TDO2: variants seen among roughly 807,000 people sequenced by gnomAD.
The protein encoded by TDO2 is tryptamin 2,3-dioxygenase.
A neutral mutation model predicts 61.2 loss-of-function variants in TDO2; 63 were observed. That is an observed-to-expected ratio of 1.03 (90% CI 0.84 to 1.27). The LOEUF (loss-of-function observed/expected upper bound fraction) is 1.27, where lower values mean the gene tolerates loss of function less well. Among genes scored for constraint, TDO2 ranks in the 50% most tolerant of loss-of-function variants. TDO2 has a pLI of 0.00. For missense variants in TDO2, 494 were observed against 469.5 expected, an observed-to-expected ratio of 1.05 and a Z score of -0.48; for synonymous variants, 183 against 164.0, an observed-to-expected ratio of 1.12 and a Z score of -0.89.
intron 9 of TDO2, among the ~76,000 whole-genome samples, chr4:155,916,238 G>A (rs572856685): frequency 2.1e-5 from 3 of 140,724 alleles, no homozygotes; most frequent in African/African-American, 7.9e-5. Context: ...TGCAATCTCG[G>A]CTCACTGCAA....
intron 5 of TDO2, 102 bp downstream of exon 5, chr4:155,909,116 T>A: frequency 8.1e-7 from 1 of 1,238,660 alleles, no homozygotes; most frequent in Non-Finnish European, 1.1e-6. Context: ...GGAGCCTGTC[T>A]TACTAACATT....
At chr4:155,908,178 G>A (rs1742754745) in intron 4 of TDO2, among the ~76,000 whole-genome samples, 1 of 152,124 alleles carries the variant, frequency 6.6e-6, no homozygotes, top group South Asian at 2.1e-4. Context: ...AGGAAGAGAA[G>A]GAGGCAGTAG....
intron 6 of TDO2, among the ~76,000 whole-genome samples, chr4:155,910,802 C>T (rs891281652): frequency 3.3e-5 from 5 of 151,984 alleles, no homozygotes; most frequent in African/African-American, 1.2e-4. Flanking sequence ...TTGAATTATA[C>T]TCTGCTCATT....
In TDO2 at chr4:155,904,135, G is replaced by A; in HGVS notation, c.141+12G>A. On this transcript the variant is annotated intron_variant, in intron 2 of 11. Transcript: ENST00000536354. Reference sequence around the variant, plus strand: ...GGAACTACCTGCATGTAAGTGGCAGGGTCCTTACAGGGTTTGGTGTCCATT... The same window carrying A: ...GGAACTACCTGCATGTAAGTGGCAGAGTCCTTACAGGGTTTGGTGTCCATT... The A allele has an allele frequency of 1.3e-6, 2 of 1,594,822 alleles. No individual in the cohort carries two copies. Among genetic ancestry groups the A allele is most frequent in the Non-Finnish European group, 8.6e-7 (1 of 1,163,808 alleles).
Position 155,914,353 on chromosome 4 carries a change from C to G in TDO2, c.757C>G (p.Gln253Glu), listed in dbSNP as rs780775392. 8.1e-6 allele frequency: 13 copies of G among 1,609,116 alleles called. No homozygotes were observed. Among genetic ancestry groups the G allele is most frequent in the Non-Finnish European group, 1.1e-5 (13 of 1,178,620 alleles). Residue 253 changes from glutamine to glutamate, a missense_variant, in exon 8 of 12, where the codon CAG (glutamine) becomes GAG (glutamate). Gln to Glu is a conservative substitution (Grantham distance 29). Transcript: ENST00000536354. ...AKEESEEKEE[Q>E]VAEFQKQKEV... is the part of the protein sequence containing the mutation. ...AGAAGAGTCTGAAGAAAAAGAGGAA[C>G]AGGTGGCTGAATTTCAGAAGCAAAA...
At chr4:155,913,114 G>T (rs945984941) in intron 7 of TDO2, among the ~76,000 whole-genome samples, 2 of 152,032 alleles carry the variant, frequency 1.3e-5, no homozygotes, top group African/African-American at 4.8e-5. Flanking sequence ...AATAATATCT[G>T]AACTGTGCTC....
At position 155,907,710 on chromosome 4, in the gene TDO2, T is replaced by C; in HGVS notation, c.233-12T>C. On this transcript the variant is annotated splice_polypyrimidine_tract_variant and intron_variant, in intron 3 of 11. Transcript: ENST00000536354. ...CATAACTTTCCAACTGACAATGATT[T>C]CCTTATTACAGCTTATGAACTCTGG... The C allele has an allele frequency of 6.2e-7, 1 of 1,602,410 alleles. No homozygotes were observed. Among genetic ancestry groups the C allele is most frequent in the South Asian group, 1.1e-5 (1 of 88,458 alleles).
At chr4:155,911,216 A>G (rs1742823089) in intron 6 of TDO2, among the ~76,000 whole-genome samples, 1 of 152,034 alleles carries the variant, frequency 6.6e-6, no homozygotes, top group Non-Finnish European at 1.5e-5. Flanking sequence ...ATATGTTTGT[A>G]GATTTCTAGA....
At chr4:155,908,785 C>T (rs1742764753) in intron 4 of TDO2, 102 bp from the exon 5 acceptor site, 1 of 1,421,546 alleles carries the variant, frequency 7.0e-7, no homozygotes, top group Non-Finnish European at 9.3e-7. Context: ...CCCTTTAAAA[C>T]CAAATTAGAG....
At chr4:155,916,051 T>C in intron 9 of TDO2, 139 bp downstream of exon 9, 1 of 692,130 alleles carries the variant, frequency 1.4e-6, no homozygotes, top group Middle Eastern at 2.7e-4. Context: ...AGATAATTAG[T>C]AATGAAGTTT....
chr4:155,905,112 G>T lies in TDO2; in HGVS notation c.187G>T (p.Gly63Ter), dbSNP rs973200565. The change falls in exon 3 of 12, where the codon GGA (glycine) becomes TGA (stop). Residue 63 changes from glycine to a stop codon, truncating the protein, a stop_gained. Coordinates refer to ENST00000536354, the MANE Select transcript of TDO2 (RefSeq NM_005651.4). LOFTEE classifies it high-confidence loss of function. ...NAQELQSETK[G>*]NKIHDEHLFI... The stretch of plus-strand genomic sequence containing the variant: ...ACAAGAACTGCAAAGTGAAACAAAA[G>T]GAAATAAAATCCATGATGAACATCT... 3 of 1,600,984 alleles carry T rather than the reference G, an allele frequency of 1.9e-6. No homozygotes were observed. The African/African-American group carries it at 4.0e-5, about 22-fold the overall frequency.
In TDO2 at chr4:155,915,855, G is replaced by A; in HGVS notation, c.839G>A (p.Gly280Asp). ...EKRHEHLLSK[G>D]ERRLSYRALQ... ...TTTAAATTTAGTATGTATTTTGCAG[G>A]TGAAAGACGGCTGTCATACAGAGCA... Residue 280 changes from glycine (G) to aspartate (D), a missense_variant and splice_region_variant, in exon 9 of 12, where the codon GGT becomes GAT. Coordinates refer to ENST00000536354, the MANE Select transcript of TDO2 (RefSeq NM_005651.4). 1 of 1,607,596 alleles carries A rather than the reference G, an allele frequency of 6.2e-7. No homozygotes were observed. The highest frequency in any genetic ancestry group is 1.1e-5 in the South Asian group (1 of 88,996).
intron 8 of TDO2, among the ~76,000 whole-genome samples, chr4:155,915,581 T>C (rs1043834672): frequency 2.0e-5 from 3 of 152,210 alleles, no homozygotes; most frequent in South Asian, 2.1e-4. Context: ...TCAAGTGTTT[T>C]CTAGAAAAAT....
chr4:155,911,541 C>T lies in TDO2; in HGVS notation c.663C>T (p.Asn221=). The change falls in exon 7 of 12, where the codon AAC becomes AAT. Residue 221 remains asparagine, a synonymous_variant. Coordinates refer to ENST00000536354, the MANE Select transcript of TDO2 (RefSeq NM_005651.4). ...CAGGTTTAGAGCCACATGGATTTAA[C>T]TTCTGGGGAAAGCTTGAAAAAAATA... ...RTPGLEPHGF[N]FWGKLEKNIT... is the part of the protein sequence containing the mutation. 1 of 1,591,810 alleles carries T rather than the reference C, an allele frequency of 6.3e-7. No individual in the cohort carries two copies. Among genetic ancestry groups the T allele is most frequent in the African/African-American group, 1.4e-5 (1 of 74,008 alleles).
At chr4:155,905,266 C>A in intron 3 of TDO2, 109 bp downstream of exon 3, 1 of 835,262 alleles carries the variant, frequency 1.2e-6, no homozygotes, top group Non-Finnish European at 1.9e-6. Context: ...GGAATCACCT[C>A]TGTTAGAAAT....
intron 3 of TDO2, chr4:155,905,489 A>G (rs1407833468): frequency 4.9e-6 from 1 of 206,064 alleles, no homozygotes; most frequent in East Asian, 1.5e-4. Context: ...AACTATTTTC[A>G]AGATCATTGA....
chr4:155,904,068 A>AAAC lies in TDO2; in HGVS notation c.87_89dup (p.Thr30dup). 6.2e-7 allele frequency: 1 copy of AAAC among 1,614,112 alleles called. No individual in the cohort carries two copies. The highest frequency in any genetic ancestry group is 1.1e-5 in the South Asian group (1 of 91,082). On this transcript the variant is annotated inframe_insertion, in exon 2 of 12. Transcript: ENST00000536354. ...GAAGGCAGCGAAGAAGACAAATCAC[A>AAAC]AACTGGTGTGAATAGAGCCAGCAAA... is the stretch of plus-strand genomic sequence containing the variant.
At chr4:155,918,128 T>C in intron 10 of TDO2, 21 bp from the exon 11 acceptor site, 1 of 1,608,374 alleles carries the variant, frequency 6.2e-7, no homozygotes. Context: ...ATCCATGGAG[T>C]AAATTTGTAT....
intron 7 of TDO2, among the ~76,000 whole-genome samples, chr4:155,912,668 C>A (rs994950292): frequency 6.6e-6 from 1 of 152,022 alleles, no homozygotes; most frequent in African/African-American, 2.4e-5. Context: ...TCTGTTCTAT[C>A]TCTATACTCT....
Sources: allele counts gnomAD v4.1 joint callset (sites outside exome capture counted in the v4.1 genomes callset), GRCh38; gene constraint gnomAD v4.1.1; transcripts MANE v1.5; gene names NCBI Gene and HGNC (gene_info 2026-07-23, HGNC 2026-07-21).